Variants in ADARB1 observed in about 807,000 individuals in gnomAD.
ADARB1 encodes the protein double-stranded RNA-specific editase 1.
In ADARB1, 10 loss-of-function variants were observed where a neutral mutation model predicts 52.4. The ratio of observed to expected loss-of-function variants is 0.19; its 90% CI spans 0.12 to 0.32. The LOEUF (loss-of-function observed/expected upper bound fraction) is 0.32, where lower values mean the gene tolerates loss of function less well. ADARB1 is among the 10% of genes least tolerant of loss of function. ADARB1 has a pLI of 1.00. For missense variants in ADARB1, 643 were observed against 922.3 expected, an observed-to-expected ratio of 0.70 and a Z score of 3.92; for synonymous variants, 349 against 371.1, an observed-to-expected ratio of 0.94 and a Z score of 0.68.
At chr21:45,098,334 C>T (rs1225150375) in intron 1 of ADARB1, among the ~76,000 whole-genome samples, 1 of 152,234 alleles carries the variant, frequency 6.6e-6, no homozygotes, top group Non-Finnish European at 1.5e-5. Flanking sequence ...CCTTGGACCA[C>T]TCTCCCCGTC....
At chr21:45,197,063 G>A (rs66837495) in intron 8 of ADARB1, among the ~76,000 whole-genome samples, 22,228 of 151,948 alleles carry the variant, frequency 0.15, 2,201 homozygotes, top group African/African-American at 0.28. Flanking sequence ...ATGGAATCCC[G>A]TCTACTCTGG....
chr21:45,171,458 C>A, intron 2 of ADARB1, 152 bp from the exon 3 acceptor site: 1 of 596,190 alleles, frequency 1.7e-6, no homozygotes. Context: ...TACCAGATGG[C>A]AGATCTGACT....
chr21:45,116,171 A>G (rs1206074844), intron 1 of ADARB1, among the ~76,000 whole-genome samples: 1 of 152,226 alleles, frequency 6.6e-6, no homozygotes, highest in Non-Finnish European at 1.5e-5. Context: ...TTACAGTGGC[A>G]GGAACAGCTG....
At position 45,183,347 on chromosome 21, in the gene ADARB1, C is replaced by CT; in HGVS notation, c.1248-9dup. The CT allele has an allele frequency of 6.3e-7, 1 of 1,590,802 alleles. No homozygotes were observed. The highest frequency in any genetic ancestry group is 1.4e-5 in the African/African-American group (1 of 73,380). On this transcript the variant is annotated splice_polypyrimidine_tract_variant and intron_variant, in intron 6 of 10. Transcript: ENST00000348831. ...ACAGCTTTAAATGTTACTTTTGCAA[C>CT]TTTTTTCCTTTCAGTAACAAAGATG... is the stretch of plus-strand genomic sequence containing the variant.
intron 2 of ADARB1, among the ~76,000 whole-genome samples, chr21:45,129,594 C>CA (rs2088803973): frequency 6.6e-6 from 1 of 152,250 alleles, no homozygotes; most frequent in African/African-American, 2.4e-5. Flanking sequence ...TGGCAGCTCT[C>CA]ATGTGAGCCG....
intron 3 of ADARB1, 137 bp from the exon 4 acceptor site, chr21:45,175,593 T>C (rs1183160018): frequency 3.5e-6 from 3 of 861,280 alleles, no homozygotes; most frequent in Admixed American, 4.7e-5. Flanking sequence ...TAACTCTTCA[T>C]GTATACATCA....
intron 2 of ADARB1, among the ~76,000 whole-genome samples, chr21:45,168,277 GT>G (rs2091334672): frequency 6.6e-6 from 1 of 151,984 alleles, no homozygotes; most frequent in African/African-American, 2.4e-5. Context: ...TCTGTAGCTT[GT>G]TTTTTCATCT....
Position 45,176,618 on chromosome 21 carries a change from C to G in ADARB1, c.917C>G (p.Ser306Cys). 6.2e-7 allele frequency: 1 copy of G among 1,613,726 alleles called. No homozygotes were observed. Among genetic ancestry groups the G allele is most frequent in the Non-Finnish European group, 8.5e-7 (1 of 1,179,818 alleles). ...AACTTGCACTTGGATCAGACGCCAT[C>G]TCGCCAGCCTATTCCCAGTGAGGGT... ...IFNLHLDQTP[S>C]RQPIPSEGLQ... is the part of the protein sequence containing the mutation. The change falls in exon 4 of 11, where the codon TCT becomes TGT. Residue 306 changes from serine (S) to cysteine (C), a missense_variant. Transcript: ENST00000348831. This position sits in a 1 kb window ranked among gnomAD's most constrained non-coding sequence, Gnocchi z 5.8.
chr21:45,150,275 GACAA>G (rs1001812645), intron 2 of ADARB1, among the ~76,000 whole-genome samples: 172 of 152,104 alleles, frequency 1.1e-3, no homozygotes, highest in Middle Eastern at 6.8e-3. Context: ...CTCTGTCTCA[GACAA>G]ACAAACAAAC....
chr21:45,147,901 C>G (rs991578524), intron 2 of ADARB1, among the ~76,000 whole-genome samples: 7 of 152,160 alleles, frequency 4.6e-5, no homozygotes, highest in African/African-American at 1.7e-4. Context: ...TTTACCAGCA[C>G]CACTTCTCCT....
chr21:45,108,611 C>T (rs2087364065), intron 1 of ADARB1, among the ~76,000 whole-genome samples: 1 of 152,184 alleles, frequency 6.6e-6, no homozygotes, highest in South Asian at 2.1e-4. Context: ...GGCTGTTTCT[C>T]CTTCCTTCCA....
intron 7 of ADARB1, among the ~76,000 whole-genome samples, 161 bp from the exon 8 acceptor site, chr21:45,184,762 C>A (rs1262938251): frequency 6.6e-6 from 1 of 152,210 alleles, no homozygotes; most frequent in African/African-American, 2.4e-5. Context: ...CTCAGCTTCA[C>A]ATACTTATTT....
intron 9 of ADARB1, among the ~76,000 whole-genome samples, chr21:45,211,783 C>G (rs2838817): frequency 1.3e-5 from 2 of 152,134 alleles, no homozygotes; most frequent in South Asian, 4.1e-4. Context: ...TTCTGTACCG[C>G]GGCCTGGGAT....
intron 9 of ADARB1, among the ~76,000 whole-genome samples, chr21:45,215,502 C>A (rs572480328): frequency 3.3e-5 from 5 of 152,116 alleles, no homozygotes; most frequent in Admixed American, 1.3e-4. Context: ...GTGACTTAGG[C>A]CTATAGTCCC....
chr21:45,223,915 A>G lies in ADARB1; in HGVS notation c.*1718A>G. On this transcript the variant is annotated 3_prime_UTR_variant, in exon 11 of 11. Transcript: ENST00000348831. ...TCAGCGGCTAGAACATCTGCCCCACAGCAGCCTCCTCCTCCACCGAAGAGG... is the reference window on the plus strand; with the variant it reads ...TCAGCGGCTAGAACATCTGCCCCACGGCAGCCTCCTCCTCCACCGAAGAGG... 1 of 985,544 alleles carries G rather than the reference A, an allele frequency of 1.0e-6. No individual in the cohort carries two copies. The highest frequency in any genetic ancestry group is 1.7e-5 in the African/African-American group (1 of 57,312). The allele number at this position is 985,544 out of a possible 1,614,324, so 61.0% of individuals were successfully genotyped here. A position where few individuals can be genotyped will look rare whatever the true frequency, so the allele number is the denominator to read the frequency against.
intron 2 of ADARB1, among the ~76,000 whole-genome samples, chr21:45,146,533 C>A (rs577043356): frequency 1.1e-3 from 170 of 152,282 alleles, no homozygotes; most frequent in Admixed American, 3.7e-3. Context: ...AGTGGCTTGG[C>A]GTCTTGGCCA....
chr21:45,079,579 G>A (rs1346132078), intron 1 of ADARB1, among the ~76,000 whole-genome samples: 1 of 152,208 alleles, frequency 6.6e-6, no homozygotes, highest in Non-Finnish European at 1.5e-5. Flanking sequence ...TCATTGTGCA[G>A]CTACTTCCTA....
At chr21:45,166,747 GAA>G (rs2091267730) in intron 2 of ADARB1, among the ~76,000 whole-genome samples, 1 of 152,182 alleles carries the variant, frequency 6.6e-6, no homozygotes, top group Non-Finnish European at 1.5e-5. Context: ...AAGTGAAACT[GAA>G]GTCTCAGGTC....
rs1427011959 is a variant in ADARB1, at chr21:45,222,334, G to A, written c.*137G>A. 18 of 1,399,108 alleles carry A rather than the reference G, an allele frequency of 1.3e-5. No homozygotes were observed. Among genetic ancestry groups the A allele is most frequent in the Admixed American group, 3.3e-5 (1 of 30,552 alleles). 86.7% of individuals were successfully genotyped at this position (1,399,108 alleles called of 1,614,324 possible). On this transcript the variant is annotated 3_prime_UTR_variant, in exon 11 of 11. Transcript: ENST00000348831. ...ACACGGGGGACCACCAGGTGTCCAC[G>A]GTTGTCCCCAGCATCTCACATCAGA...
Sources: gnomAD v4.1 joint callset for allele counts (sites outside exome capture counted in the v4.1 genomes callset) on GRCh38, gnomAD v4.1.1 for gene constraint, Gnocchi (gnomAD v3.1) non-coding constraint, MANE v1.5 for transcripts, NCBI Gene and HGNC (gene_info 2026-07-23, HGNC 2026-07-21) for gene names.